Variants in SMG6 observed in about 807,000 individuals in gnomAD.
SMG6 encodes telomerase-binding protein EST1A.
SMG6 carries 66 observed loss-of-function variants against 142.2 expected under a neutral mutation model. The observed-to-expected ratio is 0.46, with a 90% CI of 0.38 to 0.57. SMG6 has a LOEUF of 0.57. Among genes scored for constraint, SMG6 ranks in the 20% least tolerant of loss-of-function variants. The probability of loss-of-function intolerance (pLI) is 0.00; values close to 1 mark genes in which losing one functional copy is unlikely to be tolerated. For synonymous variants in SMG6, 779 were observed against 702.4 expected, an observed-to-expected ratio of 1.11 and a Z score of -1.72; for missense variants, 1,793 against 1,832.0, an observed-to-expected ratio of 0.98 and a Z score of 0.39.
rs181712631 is a variant in SMG6 at position 2,241,448 on chromosome 17, A to T, written c.2723+3210T>A. On this transcript the variant is annotated intron_variant, in intron 9 of 18. Coordinates refer to ENST00000263073, the MANE Select transcript of SMG6 (RefSeq NM_017575.5). ...GGACCCTTTTATATTTAAACATGTT[A>T]GGCACCCTACAGCTGTCTCTAAATA... is the stretch of plus-strand genomic sequence containing the variant. 2.1e-4 allele frequency among the ~76,000 whole-genome samples: 32 copies of T among 152,342 alleles called. No individual in the cohort carries two copies. In the East Asian group the frequency reaches 6.0e-3, roughly 28 times the overall value.
intron 13 of SMG6, among the ~76,000 whole-genome samples, chr17:2,151,633 G>A (rs1567639839): frequency 6.6e-6 from 1 of 152,238 alleles, no homozygotes. Context: ...TGTCTAGTCA[G>A]TGGCAAATGC....
At chr17:2,303,444 G>T in intron 1 of SMG6, 189 bp downstream of exon 1, 13 of 1,303,888 alleles carry the variant, frequency 1.0e-5, no homozygotes, top group Non-Finnish European at 1.2e-5. Context: ...GCCAGGACTG[G>T]CCGAGCCCGA....
chr17:2,132,572 TATTAACAAGATATAG>T (rs1198943268), intron 13 of SMG6, among the ~76,000 whole-genome samples: 2 of 152,208 alleles, frequency 1.3e-5, no homozygotes, highest in Non-Finnish European at 1.5e-5. Flanking sequence ...ATCAAATTTC[TATTAACAAGATATAG>T]AAACTTTGAG....
intron 13 of SMG6, among the ~76,000 whole-genome samples, chr17:2,116,726 C>A (rs780812294): frequency 4.0e-5 from 6 of 151,788 alleles, no homozygotes; most frequent in Non-Finnish European, 7.4e-5. Flanking sequence ...CCAGCCTGGG[C>A]GGCAGAGCGA....
At chr17:2,297,473 G>A (rs992676231) in intron 3 of SMG6, 120 bp from the exon 4 acceptor site, 4 of 712,474 alleles carry the variant, frequency 5.6e-6, no homozygotes, top group African/African-American at 5.4e-5. Context: ...TATGAAAAGG[G>A]AGGCACGCAC....
chr17:2,070,331 C>T (rs2068065983), intron 15 of SMG6, among the ~76,000 whole-genome samples: 1 of 152,210 alleles, frequency 6.6e-6, no homozygotes, highest in African/African-American at 2.4e-5. Context: ...TCTGCCCAGA[C>T]AGCATGCTCC....
At chr17:2,133,803 G>A (rs758796274) in intron 13 of SMG6, among the ~76,000 whole-genome samples, 1 of 152,190 alleles carries the variant, frequency 6.6e-6, no homozygotes, top group South Asian at 2.1e-4. Context: ...GAACTTTTAC[G>A]TAAAACCTTG....
chr17:2,115,965 C>A (rs1005843310), intron 13 of SMG6, among the ~76,000 whole-genome samples: 2 of 152,096 alleles, frequency 1.3e-5, no homozygotes, highest in African/African-American at 2.4e-5. Context: ...CCCTGGCCCC[C>A]CAAAGTGCAA....
chr17:2,172,918 T>C, intron 12 of SMG6, 59 bp from the exon 13 acceptor site: 1 of 1,503,372 alleles, frequency 6.7e-7, no homozygotes, highest in East Asian at 2.3e-5. Context: ...AAAAAAAGTA[T>C]TCTCAGTATT....
chr17:2,184,375 G>C (rs1373912735), intron 12 of SMG6, among the ~76,000 whole-genome samples: 3 of 149,810 alleles, frequency 2.0e-5, no homozygotes, highest in East Asian at 3.9e-4. Flanking sequence ...AAAAAAAAAA[G>C]GGCCAGATGG....
At chr17:2,262,366 CA>C (rs1399240696) in intron 8 of SMG6, among the ~76,000 whole-genome samples, 1 of 152,200 alleles carries the variant, frequency 6.6e-6, no homozygotes, top group Non-Finnish European at 1.5e-5. Flanking sequence ...TGAGCCAAAT[CA>C]AAAGCTCAAA....
intron 6 of SMG6, among the ~76,000 whole-genome samples, chr17:2,292,037 A>G (rs2075049735): frequency 6.6e-6 from 1 of 152,074 alleles, no homozygotes; most frequent in South Asian, 2.1e-4. Flanking sequence ...TATTTAGAGC[A>G]CAGTGATTAG....
chr17:2,270,083 G>A (rs1017692119), intron 8 of SMG6, among the ~76,000 whole-genome samples: 2 of 152,088 alleles, frequency 1.3e-5, no homozygotes, highest in African/African-American at 2.4e-5. Flanking sequence ...CCAAAGCTCT[G>A]CACTATCCTG....
chr17:2,069,359 T>A (rs1567570689), intron 15 of SMG6, among the ~76,000 whole-genome samples: 1 of 151,654 alleles, frequency 6.6e-6, no homozygotes, highest in African/African-American at 2.4e-5. Context: ...TTGACTTACT[T>A]CACTGTGTAG....
intron 12 of SMG6, among the ~76,000 whole-genome samples, chr17:2,184,341 C>A (rs2071902571): frequency 6.8e-6 from 1 of 146,624 alleles, no homozygotes; most frequent in African/African-American, 2.6e-5. Context: ...TGAACCTGGG[C>A]AACAGAGCAA....
At chr17:2,206,659 T>C (rs926646032) in intron 10 of SMG6, among the ~76,000 whole-genome samples, 7 of 152,070 alleles carry the variant, frequency 4.6e-5, no homozygotes, top group African/African-American at 9.7e-5. Flanking sequence ...GGCAGGCGGA[T>C]TGCCTGAGGT....
intron 6 of SMG6, among the ~76,000 whole-genome samples, chr17:2,287,695 C>CA (rs2074938061): frequency 6.6e-6 from 1 of 152,130 alleles, no homozygotes; most frequent in South Asian, 2.1e-4. Flanking sequence ...GGTATATATA[C>CA]ACAATGAAAT....
intron 6 of SMG6, among the ~76,000 whole-genome samples, chr17:2,285,644 G>C (rs1203517765): frequency 6.6e-6 from 1 of 152,080 alleles, no homozygotes; most frequent in African/African-American, 2.4e-5. Flanking sequence ...TTCAGGACCA[G>C]CCTTGGCAAC....
intron 13 of SMG6, among the ~76,000 whole-genome samples, chr17:2,134,900 G>C (rs893584072): frequency 6.7e-6 from 1 of 149,658 alleles, no homozygotes; most frequent in Non-Finnish European, 1.5e-5. Flanking sequence ...TTTTTTTTGA[G>C]ACAGAGTCTC....
Sources: allele counts gnomAD v4.1 joint callset (sites outside exome capture counted in the v4.1 genomes callset), GRCh38; gene constraint gnomAD v4.1.1; transcripts MANE v1.5; gene names NCBI Gene and HGNC (gene_info 2026-07-23, HGNC 2026-07-21).